The following PTPRG variants were observed in gnomAD, a reference collection of about 807,000 sequenced individuals.
The protein encoded by PTPRG is protein tyrosine phosphatase receptor type G.
In PTPRG, 102 loss-of-function variants were observed where a neutral mutation model predicts 165.3. That is an observed-to-expected ratio of 0.62 (90% confidence interval 0.53 to 0.73). The LOEUF (loss-of-function observed/expected upper bound fraction) is 0.73, where lower values mean the gene tolerates loss of function less well. Ranked by LOEUF, PTPRG falls within the 30% of genes least tolerant of loss-of-function variation. The probability of loss-of-function intolerance (pLI) is 0.00; values close to 1 mark genes in which losing one functional copy is unlikely to be tolerated. For missense variants in PTPRG, 1,866 were observed against 1,861.4 expected (o/e 1.00, Z -0.05); for synonymous variants, 675 against 669.5 (o/e 1.01, Z -0.13).
intron 2 of PTPRG, among the ~76,000 whole-genome samples, chr3:61,973,177 A>C (rs1385168481): frequency 6.6e-6 from 1 of 152,226 alleles, no homozygotes; most frequent in East Asian, 1.9e-4. Flanking sequence ...GCATCTTCTG[A>C]AAACGGTTAT....
At chr3:62,103,973 A>G (rs766079059) in intron 5 of PTPRG, among the ~76,000 whole-genome samples, 2 of 152,226 alleles carry the variant, frequency 1.3e-5, no homozygotes, top group Non-Finnish European at 2.9e-5. Context: ...AAAATCATAA[A>G]TGAAATAAAA....
At chr3:61,594,458 G>A (rs1191267118) in intron 1 of PTPRG, among the ~76,000 whole-genome samples, 1 of 151,934 alleles carries the variant, frequency 6.6e-6, no homozygotes, top group Non-Finnish European at 1.5e-5. Flanking sequence ...GGGAGTGCAA[G>A]CAGAAGAGAA....
intron 1 of PTPRG, among the ~76,000 whole-genome samples, chr3:61,582,390 T>C (rs1247012017): frequency 1.3e-5 from 2 of 152,144 alleles, no homozygotes; most frequent in African/African-American, 4.8e-5. Flanking sequence ...GTAGCCAAAG[T>C]GGAAAGCTGT....
At chr3:61,867,227 C>T (rs534099454) in intron 2 of PTPRG, among the ~76,000 whole-genome samples, 3 of 152,156 alleles carry the variant, frequency 2.0e-5, no homozygotes, top group Non-Finnish European at 2.9e-5. Context: ...CCAGAACCTG[C>T]GGCCCTCCTC....
intron 18 of PTPRG, 91 bp from the exon 19 acceptor site, chr3:62,267,594 A>G: frequency 6.5e-7 from 1 of 1,540,924 alleles, no homozygotes; most frequent in Non-Finnish European, 8.8e-7. Context: ...CACTAAAAAC[A>G]AAGCCCATTC....
chr3:61,784,009 A>G (rs1171959361), intron 2 of PTPRG, among the ~76,000 whole-genome samples: 2 of 152,300 alleles, frequency 1.3e-5, no homozygotes, highest in East Asian at 1.9e-4. Flanking sequence ...AGCTTAGATG[A>G]CTGAAGGAAA....
chr3:62,238,599 T>C (rs560857385), intron 14 of PTPRG, among the ~76,000 whole-genome samples: 1 of 152,160 alleles, frequency 6.6e-6, no homozygotes, highest in Admixed American at 6.5e-5. Flanking sequence ...CATACCAGAA[T>C]CCCTAGAGGG....
chr3:61,570,634 A>C (rs1191494487), intron 1 of PTPRG, among the ~76,000 whole-genome samples: 1 of 152,168 alleles, frequency 6.6e-6, no homozygotes, highest in Non-Finnish European at 1.5e-5. Context: ...CACTTAAATC[A>C]GATCTGTTCA....
rs6807754 is a variant in PTPRG, at chr3:62,015,825, C to A, written c.519+12328C>A. 3.9e-3 allele frequency among the ~76,000 whole-genome samples: 594 copies of A among 152,056 alleles called. 4 individuals carry two copies. The highest frequency in any genetic ancestry group is 0.014 in the African/African-American group (567 of 41,472). On this transcript the variant is annotated intron_variant, in intron 4 of 29. Transcript: ENST00000474889. ...AATTGTTTTGAAGGCAGAAGATGCT[C>A]GTGGAGGGGATATCATGTTGATGTT...
chr3:61,691,971 T>C (rs1485440039), intron 1 of PTPRG, among the ~76,000 whole-genome samples: 4 of 152,222 alleles, frequency 2.6e-5, no homozygotes, highest in Non-Finnish European at 5.9e-5. Context: ...ACATTTTCGG[T>C]TGCAGAGAGT....
At chr3:61,939,427 T>C (rs1192780716) in intron 2 of PTPRG, among the ~76,000 whole-genome samples, 5 of 152,230 alleles carry the variant, frequency 3.3e-5, no homozygotes, top group Admixed American at 2.6e-4. Context: ...CAGTGCTTAA[T>C]AAAATCGCAG....
intron 2 of PTPRG, among the ~76,000 whole-genome samples, chr3:61,787,164 G>A (rs2034730482): frequency 6.6e-6 from 1 of 152,126 alleles, no homozygotes; most frequent in Non-Finnish European, 1.5e-5. Context: ...GTTGAAAGAT[G>A]TGTCTGTTCT....
chr3:62,150,565 C>A (rs1363704183), intron 6 of PTPRG, among the ~76,000 whole-genome samples: 1 of 152,144 alleles, frequency 6.6e-6, no homozygotes, highest in African/African-American at 2.4e-5. Flanking sequence ...ATGCCCAATT[C>A]TTTCCACTAT....
chr3:61,668,112 G>C (rs1702858843), intron 1 of PTPRG, among the ~76,000 whole-genome samples: 1 of 152,236 alleles, frequency 6.6e-6, no homozygotes, highest in Non-Finnish European at 1.5e-5. Flanking sequence ...GCTGTTAGCA[G>C]AGTGAGTCTG....
intron 1 of PTPRG, among the ~76,000 whole-genome samples, chr3:61,586,926 C>T (rs1042648164): frequency 6.6e-6 from 1 of 152,206 alleles, no homozygotes; most frequent in Non-Finnish European, 1.5e-5. Flanking sequence ...CAGCTCTCTG[C>T]CCACATGTAG....
Position 62,224,059 on chromosome 3 carries a change from G to A in PTPRG, c.2288+5076G>A, listed in dbSNP as rs1279438680. ...CACTTTGGGCCAAAAAAGGAAAGGG[G>A]TGACTATAATGTTAATGAAATTGGT... On this transcript the variant is annotated intron_variant, in intron 13 of 29. Transcript: ENST00000474889. This position sits in a 1 kb window ranked among gnomAD's most constrained non-coding sequence, Gnocchi z 4.9. Among the ~76,000 whole-genome samples, 1 of 152,128 alleles carries A rather than the reference G, an allele frequency of 6.6e-6. No individual in the cohort carries two copies. Among genetic ancestry groups the A allele is most frequent in the Non-Finnish European group, 1.5e-5 (1 of 68,028 alleles).
chr3:61,941,912 A>G (rs1370145798), intron 2 of PTPRG, among the ~76,000 whole-genome samples: 2 of 151,866 alleles, frequency 1.3e-5, no homozygotes, highest in African/African-American at 4.8e-5. Flanking sequence ...TAATCCCAAT[A>G]CTTTGGAAGG....
intron 2 of PTPRG, among the ~76,000 whole-genome samples, chr3:61,871,845 C>G (rs2037594429): frequency 6.6e-6 from 1 of 152,114 alleles, no homozygotes; most frequent in Non-Finnish European, 1.5e-5. Flanking sequence ...CAGTTGCTCC[C>G]TCTCTCTTTC....
intron 5 of PTPRG, among the ~76,000 whole-genome samples, chr3:62,084,743 A>T (rs1701690872): frequency 6.6e-6 from 1 of 152,124 alleles, no homozygotes; most frequent in Non-Finnish European, 1.5e-5. Flanking sequence ...GGTAGATATG[A>T]TCTGTCCTTC....
Sources: allele counts gnomAD v4.1 joint callset (sites outside exome capture counted in the v4.1 genomes callset), GRCh38; gene constraint gnomAD v4.1.1; non-coding constraint Gnocchi (gnomAD v3.1); transcripts MANE v1.5; gene names NCBI Gene and HGNC (gene_info 2026-07-23, HGNC 2026-07-21).